The following C11orf65 variants were observed in gnomAD, a reference collection of about 807,000 sequenced individuals.
The protein encoded by C11orf65 is chromosome 11 open reading frame 65, also known as protein MFI.
C11orf65 carries 38 observed loss-of-function variants against 35.3 expected under a neutral mutation model. The ratio of observed to expected loss-of-function variants is 1.08; its 90% CI spans 0.83 to 1.41. C11orf65 has a LOEUF of 1.41. C11orf65 is among the 40% of genes most tolerant of loss of function. C11orf65 has a pLI of 0.00. For synonymous variants in C11orf65, 105 were observed against 114.4 expected, an observed-to-expected ratio of 0.92 and a Z score of 0.53; for missense variants, 370 against 367.1, an observed-to-expected ratio of 1.01 and a Z score of -0.06.
intron 2 of C11orf65, chr11:108,366,091 T>G (rs1055588594): frequency 5.2e-6 from 1 of 190,696 alleles, no homozygotes; most frequent in African/African-American, 2.3e-5. Context: ...CACTCAGTGT[T>G]ACTAAATAAT....
chr11:108,455,089 T>C (rs557740199), intron 2 of C11orf65, among the ~76,000 whole-genome samples: 1 of 152,320 alleles, frequency 6.6e-6, no homozygotes, highest in South Asian at 2.1e-4. Flanking sequence ...TTTGTCTCAA[T>C]ATATTCCTTA....
At chr11:108,425,816 A>T (rs1247399622) in intron 3 of C11orf65, among the ~76,000 whole-genome samples, 1 of 152,214 alleles carries the variant, frequency 6.6e-6, no homozygotes. Context: ...AGTCGGCTTC[A>T]TCCCTGGGAT....
rs775621333 is a variant in C11orf65 at position 108,331,494 on chromosome 11, A to G, written c.*56T>C. The G allele has an allele frequency of 2.5e-5, 41 of 1,613,376 alleles. 1 individual carries two copies. In the East Asian group the frequency reaches 5.4e-4, roughly 21 times the overall value. ...ATAAATTTTTGCCTCTTATGTACCAATTGGCTGCTAGAATGGGGACCAAGA... is the reference window on the plus strand; with the variant it reads ...ATAAATTTTTGCCTCTTATGTACCAGTTGGCTGCTAGAATGGGGACCAAGA... On this transcript the variant is annotated 3_prime_UTR_variant, in exon 4 of 4. Coordinates refer to the C11orf65 transcript ENST00000524755.
chr11:108,332,433 AAATTAATT>A (rs4988124), intron 3 of C11orf65, among the ~76,000 whole-genome samples: 3 of 151,628 alleles, frequency 2.0e-5, no homozygotes, highest in Non-Finnish European at 3.0e-5. Flanking sequence ...ACTCTGTCTC[AAATTAATT>A]AATTAATTAA....
At chr11:108,451,495 A>T (rs559211306) in intron 2 of C11orf65, among the ~76,000 whole-genome samples, 1 of 151,810 alleles carries the variant, frequency 6.6e-6, no homozygotes. Flanking sequence ...ACTGCTCAAC[A>T]AAATAAAAGA....
intron 6 of C11orf65, among the ~76,000 whole-genome samples, chr11:108,311,255 A>G (rs987923971): frequency 6.6e-6 from 1 of 152,196 alleles, no homozygotes; most frequent in East Asian, 1.9e-4. Context: ...GATTACAAGC[A>G]TGAGCCGCTG....
chr11:108,403,086 CT>C (rs1290404973), intron 6 of C11orf65, among the ~76,000 whole-genome samples: 1 of 152,072 alleles, frequency 6.6e-6, no homozygotes, highest in Non-Finnish European at 1.5e-5. Flanking sequence ...TTTTATTTCT[CT>C]TGGGTAAGCA....
chr11:108,352,712 A>G (rs1308180918), intron 2 of C11orf65, among the ~76,000 whole-genome samples: 1 of 152,260 alleles, frequency 6.6e-6, no homozygotes, highest in East Asian at 1.9e-4. Context: ...CCATGCCCTG[A>G]AATACTACTC....
chr11:108,375,813 A>C (rs1347129721), intron 2 of C11orf65, among the ~76,000 whole-genome samples: 1 of 152,088 alleles, frequency 6.6e-6, no homozygotes, highest in Non-Finnish European at 1.5e-5. Context: ...AATGGAAAAC[A>C]AAAAAAGGCA....
At chr11:108,418,675 C>T (rs771954781) in intron 3 of C11orf65, among the ~76,000 whole-genome samples, 15 of 151,642 alleles carry the variant, frequency 9.9e-5, no homozygotes, top group Non-Finnish European at 2.2e-4. Flanking sequence ...TGAGGTAGGA[C>T]ACAAATGAAC....
rs140396207 is a variant in C11orf65 at position 108,440,988 on chromosome 11, C to G, written c.82-9150G>C. ...ACTGGGGCTTGTCAGACAGTGGGTGCAGCCCAAGGAGCATGAGCCAAAGCA... is the reference window on the plus strand; with the variant it reads ...ACTGGGGCTTGTCAGACAGTGGGTGGAGCCCAAGGAGCATGAGCCAAAGCA... On this transcript the variant is annotated intron_variant, in intron 2 of 8. Transcript: ENST00000393084. 9.9e-5 allele frequency among the ~76,000 whole-genome samples: 15 copies of G among 152,244 alleles called. No homozygotes were observed. In the East Asian group the frequency reaches 2.9e-3, roughly 29 times the overall value.
chr11:108,456,536 C>G (rs756434309), intron 2 of C11orf65, among the ~76,000 whole-genome samples: 2 of 152,092 alleles, frequency 1.3e-5, no homozygotes, highest in Non-Finnish European at 2.9e-5. Flanking sequence ...AATCTCAGCA[C>G]TTTCGGAGGC....
Position 108,393,238 on chromosome 11 carries a change from A to G in C11orf65, c.701T>C (p.Leu234Pro). 1 of 1,614,090 alleles carries G rather than the reference A, an allele frequency of 6.2e-7. No homozygotes were observed. Among genetic ancestry groups the G allele is most frequent in the African/African-American group, 1.3e-5 (1 of 75,056 alleles). ...AAAGTTCAGTGTATTTGTCCAGTTCAGCACTTCATCCACTTCCCATTCCAT... is the reference window on the plus strand; with the variant it reads ...AAAGTTCAGTGTATTTGTCCAGTTCGGCACTTCATCCACTTCCCATTCCAT... ...SVMEWEVDEV[L>P]NWTNTLNFDE... The change falls in exon 7 of 9, where the codon CTG (leucine) becomes CCG (proline). Residue 234 changes from leucine (L) to proline (P), a missense_variant. Physicochemically the swap from Leu to Pro is moderately conservative, Grantham distance 98. Coordinates refer to ENST00000393084, the MANE Select transcript of C11orf65 (RefSeq NM_152587.5).
At chr11:108,407,288 TA>T (rs1238668509) in intron 3 of C11orf65, 139 bp from the exon 4 acceptor site, 1 of 662,958 alleles carries the variant, frequency 1.5e-6, no homozygotes, top group Non-Finnish European at 2.3e-6. Flanking sequence ...CAACCTCAAA[TA>T]ATCAATTTTA....
intron 2 of C11orf65, among the ~76,000 whole-genome samples, chr11:108,442,203 A>G (rs1238898089): frequency 6.6e-6 from 1 of 152,234 alleles, no homozygotes; most frequent in East Asian, 1.9e-4. Flanking sequence ...ACCCGATTCA[A>G]TCAAGTGGAA....
chr11:108,422,701 G>C (rs1274939804), intron 3 of C11orf65, among the ~76,000 whole-genome samples: 4 of 152,038 alleles, frequency 2.6e-5, no homozygotes, highest in Non-Finnish European at 1.5e-5. Flanking sequence ...GGCTAACATG[G>C]TGAAACCCCG....
intron 6 of C11orf65, among the ~76,000 whole-genome samples, chr11:108,313,238 C>T (rs912378789): frequency 1.3e-5 from 2 of 152,118 alleles, no homozygotes; most frequent in Non-Finnish European, 2.9e-5. Context: ...ATGCTGTTCT[C>T]CCTCTGAACT....
chr11:108,394,957 C>A (rs971412938), intron 6 of C11orf65, among the ~76,000 whole-genome samples: 14 of 151,666 alleles, frequency 9.2e-5, no homozygotes, highest in Non-Finnish European at 1.6e-4. Context: ...ACAGTGAGAC[C>A]CCATCTCTAC....
At chr11:108,309,210 C>A (rs527849196) in intron 6 of C11orf65, 453 of 530,280 alleles carry the variant, frequency 8.5e-4, no homozygotes, top group Non-Finnish European at 1.2e-3. Context: ...ACAACAACAA[C>A]AAAAAAATTG....
Sources: allele counts gnomAD v4.1 joint callset (sites outside exome capture counted in the v4.1 genomes callset), GRCh38; gene constraint gnomAD v4.1.1; transcripts MANE v1.5; gene names NCBI Gene and HGNC (gene_info 2026-07-23, HGNC 2026-07-21).